The following MRPS6 variants were observed in gnomAD, a reference collection of about 807,000 sequenced individuals.
MRPS6 encodes the protein small ribosomal subunit protein bS6m.
Under a neutral mutation model 13.1 loss-of-function variants are expected in MRPS6, and 6 were observed. The ratio of observed to expected loss-of-function variants is 0.46; its 90% CI spans 0.25 to 0.91. MRPS6 has a LOEUF of 0.91. MRPS6 is among the 40% of genes least tolerant of loss of function. The pLI, the probability that MRPS6 is intolerant of heterozygous loss-of-function variation, is 0.18. For missense variants in MRPS6, 164 were observed against 155.6 expected (o/e 1.05, Z -0.29); for synonymous variants, 61 against 56.5 (o/e 1.08, Z -0.36).
intron 1 of MRPS6, chr21:34,100,547 C>T: frequency 3.0e-6 from 3 of 1,000,180 alleles, no homozygotes; most frequent in Non-Finnish European, 3.6e-6. Context: ...TCAAAGGATC[C>T]ATTGTATTTT....
At chr21:34,119,960 G>A (rs1980062947) in intron 1 of MRPS6, among the ~76,000 whole-genome samples, 1 of 152,082 alleles carries the variant, frequency 6.6e-6, no homozygotes, top group Admixed American at 6.6e-5. Flanking sequence ...TTTCCCATTA[G>A]CATCTCTAGA....
chr21:34,108,269 G>A (rs999514476), intron 1 of MRPS6, among the ~76,000 whole-genome samples: 5 of 152,104 alleles, frequency 3.3e-5, no homozygotes, highest in South Asian at 2.1e-4. Flanking sequence ...TGGGTATACC[G>A]TTTTTTATCT....
chr21:34,129,246 G>A (rs1352695742), intron 2 of MRPS6, among the ~76,000 whole-genome samples: 1 of 152,104 alleles, frequency 6.6e-6, no homozygotes, highest in Non-Finnish European at 1.5e-5. Context: ...TCACTCCAGG[G>A]CTGCACGGAG....
At chr21:34,140,259 G>A (rs1980863814) in intron 2 of MRPS6, among the ~76,000 whole-genome samples, 1 of 150,972 alleles carries the variant, frequency 6.6e-6, no homozygotes, top group African/African-American at 2.4e-5. Flanking sequence ...CAGTAGATAT[G>A]AATTTCCTGA....
chr21:34,113,053 G>A (rs1269873513), intron 1 of MRPS6, among the ~76,000 whole-genome samples: 1 of 152,172 alleles, frequency 6.6e-6, no homozygotes, highest in Non-Finnish European at 1.5e-5. Context: ...ATCACCTCAT[G>A]TCTGTCAGGA....
intron 2 of MRPS6, among the ~76,000 whole-genome samples, chr21:34,142,098 A>G (rs1980926717): frequency 6.6e-6 from 1 of 152,200 alleles, no homozygotes; most frequent in Non-Finnish European, 1.5e-5. Flanking sequence ...GTTTTCCCCC[A>G]TGCTTTCTAG....
At chr21:34,123,368 C>T (rs1032534453) in intron 1 of MRPS6, 4 of 152,160 alleles carry the variant, frequency 2.6e-5, no homozygotes, top group African/African-American at 7.2e-5. Context: ...ACCCTGCTTG[C>T]ACCTCTTCAC....
chr21:34,103,728 G>T, intron 1 of MRPS6: 1 of 999,958 alleles, frequency 1.0e-6, no homozygotes, highest in Non-Finnish European at 1.2e-6. Flanking sequence ...AGACAATGCG[G>T]TATCTAAACT....
chr21:34,087,495 A>G (rs959855265), intron 1 of MRPS6, among the ~76,000 whole-genome samples: 1 of 152,228 alleles, frequency 6.6e-6, no homozygotes, highest in African/African-American at 2.4e-5. Flanking sequence ...GTTTACATAC[A>G]TGGTAGTGAG....
rs965011780 is a variant in MRPS6 at position 34,116,602 on chromosome 21, C to T, written c.46-8739C>T. On this transcript the variant is annotated intron_variant, in intron 1 of 2. Transcript: ENST00000399312. ...TAAATTCCTAGAATGCTGGGTGTGTCCTGCAGACCCTGGCTACGGATGAAA... is the reference window on the plus strand; with the variant it reads ...TAAATTCCTAGAATGCTGGGTGTGTTCTGCAGACCCTGGCTACGGATGAAA... Among the ~76,000 whole-genome samples, 3 of 3,372 alleles carry T rather than the reference C, an allele frequency of 8.9e-4. No individual in the cohort carries two copies. In the Admixed American group the frequency reaches 0.011, roughly 13 times the overall value. The allele number at this position is 3,372 out of a possible 152,430, so 2.2% of individuals were successfully genotyped here. A position where few individuals can be genotyped will look rare whatever the true frequency, so the allele number is the denominator to read the frequency against.
intron 2 of MRPS6, among the ~76,000 whole-genome samples, chr21:34,133,512 A>G (rs1046294652): frequency 1.2e-4 from 18 of 152,216 alleles, no homozygotes; most frequent in African/African-American, 3.6e-4. Context: ...CTTGCTATGA[A>G]CAATATCATA....
intron 1 of MRPS6, among the ~76,000 whole-genome samples, chr21:34,090,386 T>C (rs1978623803): frequency 6.6e-6 from 1 of 152,242 alleles, no homozygotes; most frequent in Non-Finnish European, 1.5e-5. Context: ...GTGACAAAAG[T>C]GAAAGCATGT....
chr21:34,081,630 T>A (rs1011472865), intron 1 of MRPS6, among the ~76,000 whole-genome samples: 1 of 152,208 alleles, frequency 6.6e-6, no homozygotes, highest in Non-Finnish European at 1.5e-5. Context: ...CTAAGGACTT[T>A]AACCTTCTGG....
At chr21:34,074,239 C>G (rs902546739) in intron 1 of MRPS6, among the ~76,000 whole-genome samples, 1 of 151,548 alleles carries the variant, frequency 6.6e-6, no homozygotes, top group African/African-American at 2.4e-5. Context: ...GCCCGCCGGC[C>G]GCCCGGAACG....
chr21:34,120,580 C>G (rs563466978), intron 1 of MRPS6, among the ~76,000 whole-genome samples: 1 of 152,102 alleles, frequency 6.6e-6, no homozygotes, highest in African/African-American at 2.4e-5. Context: ...GCTTTAATTT[C>G]TTCTAGGATT....
intron 1 of MRPS6, among the ~76,000 whole-genome samples, chr21:34,081,291 G>A (rs1031579858): frequency 3.9e-5 from 6 of 152,058 alleles, no homozygotes; most frequent in Admixed American, 3.3e-4. Context: ...CCAGGTCATC[G>A]ATTCCATTCT....
chr21:34,092,608 T>G (rs1388671910), intron 1 of MRPS6, among the ~76,000 whole-genome samples: 1 of 152,224 alleles, frequency 6.6e-6, no homozygotes, highest in Non-Finnish European at 1.5e-5. Context: ...GCTTCTATAT[T>G]TACCTTGCAT....
chr21:34,116,653 T>C (rs1979925707), intron 1 of MRPS6, among the ~76,000 whole-genome samples: 2 of 152,012 alleles, frequency 1.3e-5, no homozygotes, highest in South Asian at 2.1e-4. Context: ...AGGTATGCAG[T>C]GTAAGAGCAG....
chr21:34,075,650 T>C (rs979219386), intron 1 of MRPS6, among the ~76,000 whole-genome samples: 13 of 152,236 alleles, frequency 8.5e-5, no homozygotes, highest in Non-Finnish European at 1.5e-4. Flanking sequence ...TGGTGACTTA[T>C]GTACAATGGC....
Sources: allele counts gnomAD v4.1 joint callset (sites outside exome capture counted in the v4.1 genomes callset), GRCh38; gene constraint gnomAD v4.1.1; transcripts MANE v1.5; gene names NCBI Gene and HGNC (gene_info 2026-07-23, HGNC 2026-07-21).